PPP4R4: variants seen among roughly 807,000 people sequenced by gnomAD.
PPP4R4 encodes the protein serine/threonine-protein phosphatase 4 regulatory subunit 4.
In PPP4R4, 70 loss-of-function variants were observed where a neutral mutation model predicts 121.8. The ratio of observed to expected loss-of-function variants is 0.57; its 90% CI spans 0.47 to 0.70. The LOEUF (loss-of-function observed/expected upper bound fraction) is 0.70, where lower values mean the gene tolerates loss of function less well. Ranked by LOEUF, PPP4R4 falls within the 30% of genes least tolerant of loss-of-function variation. PPP4R4 has a pLI of 0.00. For missense variants in PPP4R4, 875 were observed against 1,033.6 expected (o/e 0.85, Z 2.10); for synonymous variants, 348 against 355.7 (o/e 0.98, Z 0.24).
intron 23 of PPP4R4, among the ~76,000 whole-genome samples, chr14:94,274,891 T>C (rs1894549962): frequency 6.6e-6 from 1 of 152,128 alleles, no homozygotes; most frequent in African/African-American, 2.4e-5. Context: ...AAAATAGAAA[T>C]GTCTATCAAC....
chr14:94,262,202 T>G (rs1160995960), intron 19 of PPP4R4, among the ~76,000 whole-genome samples: 1 of 152,044 alleles, frequency 6.6e-6, no homozygotes. Context: ...AGTATTTTGA[T>G]AATTGATTCT....
intron 2 of PPP4R4, among the ~76,000 whole-genome samples, chr14:94,176,341 T>C (rs1888678539): frequency 6.6e-6 from 1 of 152,230 alleles, no homozygotes; most frequent in South Asian, 2.1e-4. Context: ...ATTTATAGAA[T>C]GTTGCTTGGA....
chr14:94,246,677 C>A, intron 14 of PPP4R4, 138 bp downstream of exon 14: 1 of 922,622 alleles, frequency 1.1e-6, no homozygotes, highest in Non-Finnish European at 1.6e-6. Context: ...CTTCGTAGGT[C>A]CAGAAGAGGG....
intron 2 of PPP4R4, among the ~76,000 whole-genome samples, chr14:94,205,836 G>A (rs979303538): frequency 1.3e-5 from 2 of 151,804 alleles, no homozygotes; most frequent in South Asian, 4.1e-4. Flanking sequence ...TGATTCCATT[G>A]TGGTTAGAGA....
chr14:94,259,805 G>C (rs1012760185), intron 19 of PPP4R4, among the ~76,000 whole-genome samples: 3 of 152,050 alleles, frequency 2.0e-5, no homozygotes, highest in Admixed American at 2.0e-4. Flanking sequence ...TCATATATTA[G>C]GTATTAATAC....
chr14:94,227,349 G>C lies in PPP4R4; in HGVS notation c.295-3238G>C, dbSNP rs777149402. ...GATCTCACATATGTTTGTCCAGAGGGTGTGACTCTGTGGAGGAGAACACTT... is the reference window on the plus strand; with the variant it reads ...GATCTCACATATGTTTGTCCAGAGGCTGTGACTCTGTGGAGGAGAACACTT... On this transcript the variant is annotated intron_variant, in intron 3 of 24. Coordinates refer to ENST00000304338, the MANE Select transcript of PPP4R4 (RefSeq NM_058237.2). 3.1e-6 allele frequency: 5 copies of C among 1,611,994 alleles called. No homozygotes were observed. In the South Asian group the frequency reaches 5.5e-5, roughly 18 times the overall value.
intron 24 of PPP4R4, among the ~76,000 whole-genome samples, chr14:94,277,703 T>G (rs1362336305): frequency 2.0e-5 from 3 of 152,222 alleles, no homozygotes; most frequent in African/African-American, 7.2e-5. Context: ...ATTACTCTCT[T>G]TATCTGTTGT....
chr14:94,263,781 T>A (rs1470732421), intron 19 of PPP4R4, among the ~76,000 whole-genome samples: 1 of 152,130 alleles, frequency 6.6e-6, no homozygotes, highest in African/African-American at 2.4e-5. Context: ...CCAATGAAAA[T>A]TTTCAGTTTT....
intron 3 of PPP4R4, among the ~76,000 whole-genome samples, chr14:94,220,543 G>A (rs977144698): frequency 3.9e-5 from 6 of 151,974 alleles, no homozygotes; most frequent in African/African-American, 1.4e-4. Context: ...AGTATAGAAA[G>A]GTTATGGGAT....
At chr14:94,189,620 C>T (rs555220486) in intron 2 of PPP4R4, among the ~76,000 whole-genome samples, 25 of 152,288 alleles carry the variant, frequency 1.6e-4, no homozygotes, top group Admixed American at 9.8e-4. Flanking sequence ...CTTTCCTTCT[C>T]AACTTTGGAT....
chr14:94,270,917 C>CA (rs201555650), intron 23 of PPP4R4, among the ~76,000 whole-genome samples: 29,794 of 133,390 alleles, frequency 0.22, 3,840 homozygotes, highest in East Asian at 0.61. Context: ...GACTCCATCT[C>CA]AAAAAAAAAA....
intron 24 of PPP4R4, among the ~76,000 whole-genome samples, chr14:94,277,346 A>T (rs1318524833): frequency 6.6e-5 from 10 of 152,190 alleles, no homozygotes; most frequent in Non-Finnish European, 1.3e-4. Flanking sequence ...GTAATGGTGT[A>T]TAGAGAGCTT....
At position 94,266,994 on chromosome 14, in the gene PPP4R4, CAGGGTTAGGAA is replaced by C; in HGVS notation, c.2417_2427del (p.Gly806AspfsTer8). 1 of 1,598,166 alleles carries C rather than the reference CAGGGTTAGGAA, an allele frequency of 6.3e-7. No homozygotes were observed. Among genetic ancestry groups the C allele is most frequent in the Non-Finnish European group, 8.6e-7 (1 of 1,167,448 alleles). On this transcript the variant is annotated frameshift_variant, in exon 23 of 25. Coordinates refer to ENST00000304338, the MANE Select transcript of PPP4R4 (RefSeq NM_058237.2). LOFTEE classifies it high-confidence loss of function. ...ACAACAGGATATACAACTTCTGTCT[CAGGGTTAGGAA>C]AGACTTCTGTGCTTTCACTAGCTGG...
chr14:94,272,558 T>C lies in PPP4R4; in HGVS notation c.2450-2816T>C, dbSNP rs539061741. On this transcript the variant is annotated intron_variant, in intron 23 of 24. Coordinates refer to ENST00000304338, the MANE Select transcript of PPP4R4 (RefSeq NM_058237.2). Reference sequence around the variant, plus strand: ...TGCAAAACTATAAAATTCCTAGAAGTTAACATAGGAGAAAATCTAGATGAC... The same window carrying C: ...TGCAAAACTATAAAATTCCTAGAAGCTAACATAGGAGAAAATCTAGATGAC... 3.3e-5 allele frequency among the ~76,000 whole-genome samples: 5 copies of C among 151,170 alleles called. No homozygotes were observed. In the East Asian group the frequency reaches 1.0e-3, roughly 30 times the overall value.
At chr14:94,264,983 C>T in intron 20 of PPP4R4, 36 bp downstream of exon 20, 5 of 1,379,464 alleles carry the variant, frequency 3.6e-6, no homozygotes, top group Non-Finnish European at 4.0e-6. Context: ...CACTTAATTA[C>T]ATAATTAATG....
intron 12 of PPP4R4, among the ~76,000 whole-genome samples, chr14:94,244,959 A>C (rs1047598312): frequency 5.3e-5 from 8 of 152,158 alleles, no homozygotes; most frequent in African/African-American, 1.4e-4. Context: ...AAAATTTAGG[A>C]AGTGCCAAAA....
chr14:94,229,253 T>C (rs1408180769), intron 3 of PPP4R4, among the ~76,000 whole-genome samples: 2 of 152,224 alleles, frequency 1.3e-5, no homozygotes, highest in Middle Eastern at 3.4e-3. Context: ...TGGACTAGGG[T>C]GGCAACAGGA....
intron 5 of PPP4R4, among the ~76,000 whole-genome samples, chr14:94,232,034 A>G (rs1892066299): frequency 6.6e-6 from 1 of 152,100 alleles, no homozygotes; most frequent in Admixed American, 6.5e-5. Flanking sequence ...ATCACTATTT[A>G]TATGTGCTAT....
intron 2 of PPP4R4, among the ~76,000 whole-genome samples, chr14:94,184,646 A>G (rs1470774379): frequency 6.6e-6 from 1 of 152,118 alleles, no homozygotes; most frequent in African/African-American, 2.4e-5. Flanking sequence ...TTTCAGTTTG[A>G]TATTTTGGGT....
Sources: allele counts gnomAD v4.1 joint callset (sites outside exome capture counted in the v4.1 genomes callset), GRCh38; gene constraint gnomAD v4.1.1; transcripts MANE v1.5; gene names NCBI Gene and HGNC (gene_info 2026-07-23, HGNC 2026-07-21).